Variants in PPARGC1B observed in about 807,000 individuals in gnomAD.
The protein encoded by PPARGC1B is peroxisome proliferator-activated receptor gamma coactivator 1-beta.
Under a neutral mutation model 101.6 loss-of-function variants are expected in PPARGC1B, and 34 were observed. The ratio of observed to expected loss-of-function variants is 0.33; its 90% CI spans 0.25 to 0.45. The LOEUF is 0.45. PPARGC1B is among the 20% of genes least tolerant of loss of function. PPARGC1B has a pLI of 1.00. For missense variants in PPARGC1B, 1,234 were observed against 1,317.6 expected (o/e 0.94, Z 0.98); for synonymous variants, 548 against 539.3 (o/e 1.02, Z -0.22).
chr5:149,758,301 T>G (rs530952391), intron 1 of PPARGC1B, among the ~76,000 whole-genome samples: 1 of 152,400 alleles, frequency 6.6e-6, no homozygotes, highest in African/African-American at 2.4e-5. Context: ...TTTATTCACC[T>G]GATCAATCAC....
At chr5:149,828,335 C>G (rs1452833380) in intron 3 of PPARGC1B, among the ~76,000 whole-genome samples, 4 of 152,150 alleles carry the variant, frequency 2.6e-5, no homozygotes, top group Non-Finnish European at 4.4e-5. Context: ...ACTTGTATGT[C>G]CCTTAGGCAT....
chr5:149,844,596 G>A (rs759689467), intron 10 of PPARGC1B, among the ~76,000 whole-genome samples: 1 of 152,212 alleles, frequency 6.6e-6, no homozygotes, highest in African/African-American at 2.4e-5. Flanking sequence ...CTGGGATTGC[G>A]ACCACTGCAT....
At chr5:149,805,694 C>T (rs939803012) in intron 1 of PPARGC1B, among the ~76,000 whole-genome samples, 1 of 152,230 alleles carries the variant, frequency 6.6e-6, no homozygotes, top group Admixed American at 6.5e-5. Context: ...ACCCACCCAC[C>T]TTGGTGCTGG....
At chr5:149,842,610 T>A (rs1323405729) in intron 10 of PPARGC1B, among the ~76,000 whole-genome samples, 1 of 152,244 alleles carries the variant, frequency 6.6e-6, no homozygotes, top group Non-Finnish European at 1.5e-5. Flanking sequence ...TTTCATTCTT[T>A]TATCTAAACT....
At chr5:149,780,941 T>C (rs747569478) in intron 1 of PPARGC1B, among the ~76,000 whole-genome samples, 1 of 152,172 alleles carries the variant, frequency 6.6e-6, no homozygotes, top group African/African-American at 2.4e-5. Flanking sequence ...CGGTGGCTCA[T>C]GCCTGTAATC....
intron 3 of PPARGC1B, among the ~76,000 whole-genome samples, chr5:149,830,030 CAAAAAAAAAAAAAAA>C (rs60711433): frequency 3.8e-4 from 13 of 34,262 alleles, no homozygotes; most frequent in Middle Eastern, 0.029. Flanking sequence ...GACTGCATCT[CAAAAAAAAAAAAAAA>C]AAAAAAAAAG....
chr5:149,847,398 G>T, intron 11 of PPARGC1B, 60 bp from the exon 12 acceptor site: 1 of 1,253,912 alleles, frequency 8.0e-7, no homozygotes, highest in Non-Finnish European at 1.2e-6. Context: ...TCAACCATCC[G>T]GTCTTTGTAA....
chr5:149,841,977 G>A (rs1406555128), intron 9 of PPARGC1B, among the ~76,000 whole-genome samples: 1 of 152,166 alleles, frequency 6.6e-6, no homozygotes, highest in Admixed American at 6.6e-5. Flanking sequence ...CATATCAATG[G>A]TGATAAATCC....
intron 1 of PPARGC1B, among the ~76,000 whole-genome samples, chr5:149,804,975 G>A (rs760262097): frequency 5.1e-4 from 77 of 152,312 alleles, no homozygotes; most frequent in Middle Eastern, 3.4e-3. Context: ...GTCAGGGGAG[G>A]GTTTTCAGCA....
chr5:149,778,502 C>A (rs1756478123), intron 1 of PPARGC1B, among the ~76,000 whole-genome samples: 1 of 152,100 alleles, frequency 6.6e-6, no homozygotes, highest in South Asian at 2.1e-4. Flanking sequence ...TGCATCCCTG[C>A]CATCCCACCA....
At chr5:149,755,795 C>T (rs953798631) in intron 1 of PPARGC1B, among the ~76,000 whole-genome samples, 2 of 152,000 alleles carry the variant, frequency 1.3e-5, no homozygotes, top group Admixed American at 6.5e-5. Context: ...AGGTGTCCGC[C>T]ACCATGCCCA....
At chr5:149,839,994 G>A (rs1759268074) in intron 8 of PPARGC1B, 47 bp from the exon 9 acceptor site, 1 of 1,587,070 alleles carries the variant, frequency 6.3e-7, no homozygotes, top group Non-Finnish European at 8.7e-7. Context: ...CCACCCCCAT[G>A]GTATCTCCCG....
At chr5:149,750,856 C>G (rs1311526873) in intron 1 of PPARGC1B, among the ~76,000 whole-genome samples, 1 of 152,210 alleles carries the variant, frequency 6.6e-6, no homozygotes, top group African/African-American at 2.4e-5. Flanking sequence ...GGTGCCCGTG[C>G]AGGCAGCCTG....
chr5:149,831,179 G>A (rs1277566385), intron 4 of PPARGC1B, among the ~76,000 whole-genome samples: 1 of 152,216 alleles, frequency 6.6e-6, no homozygotes, highest in Admixed American at 6.5e-5. Context: ...TATTCCAACA[G>A]TGTGACAGAC....
At chr5:149,829,816 G>A (rs1050359926) in intron 3 of PPARGC1B, among the ~76,000 whole-genome samples, 10 of 151,626 alleles carry the variant, frequency 6.6e-5, no homozygotes, top group Non-Finnish European at 1.0e-4. Context: ...CGGGCAGATC[G>A]CTTAAGGTCA....
At chr5:149,741,693 T>A (rs1754914137) in intron 1 of PPARGC1B, among the ~76,000 whole-genome samples, 1 of 150,974 alleles carries the variant, frequency 6.6e-6, no homozygotes, top group South Asian at 2.1e-4. Context: ...AGTGGCGCGA[T>A]CTCAGCTCAC....
intron 1 of PPARGC1B, among the ~76,000 whole-genome samples, chr5:149,796,149 A>C (rs1757206234): frequency 6.6e-6 from 1 of 152,090 alleles, no homozygotes; most frequent in Admixed American, 6.6e-5. Flanking sequence ...AAAATAAGAC[A>C]CAGCCATGCG....
intron 1 of PPARGC1B, among the ~76,000 whole-genome samples, chr5:149,779,956 G>A (rs1756535162): frequency 6.6e-6 from 1 of 152,192 alleles, no homozygotes; most frequent in South Asian, 2.1e-4. Flanking sequence ...GTTTGCTGGT[G>A]TCATTTTCAT....
intron 1 of PPARGC1B, among the ~76,000 whole-genome samples, chr5:149,738,607 ATT>A: frequency 6.9e-6 from 1 of 145,452 alleles, no homozygotes; most frequent in Non-Finnish European, 1.5e-5. Context: ...TCTGGAAAGC[ATT>A]TTTTTTTTTT....
Sources: gnomAD v4.1 joint callset for allele counts (sites outside exome capture counted in the v4.1 genomes callset) on GRCh38, gnomAD v4.1.1 for gene constraint, MANE v1.5 for transcripts, NCBI Gene and HGNC (gene_info 2026-07-23, HGNC 2026-07-21) for gene names.